LIMA1: variants seen among roughly 807,000 people sequenced by gnomAD.
The protein encoded by LIMA1 is LIM domain and actin binding 1.
Under a neutral mutation model 62.6 loss-of-function variants are expected in LIMA1, and 52 were observed. The ratio of observed to expected loss-of-function variants is 0.83; its 90% CI spans 0.67 to 1.05. The LOEUF (loss-of-function observed/expected upper bound fraction) is 1.05, where lower values mean the gene tolerates loss of function less well. Ranked by LOEUF, LIMA1 falls within the 50% of genes least tolerant of loss-of-function variation. LIMA1 has a pLI of 0.00. For synonymous variants in LIMA1, 302 were observed against 317.8 expected (o/e 0.95, Z 0.53); for missense variants, 780 against 902.2 (o/e 0.86, Z 1.74).
chr12:50,204,582 C>T lies in LIMA1; in HGVS notation c.834G>A (p.Val278=). 6 of 1,614,136 alleles carry T rather than the reference C, an allele frequency of 3.7e-6. No individual in the cohort carries two copies. The highest frequency in any genetic ancestry group is 5.1e-6 in the Non-Finnish European group (6 of 1,180,024). ...AGTTGGTTGAGCTGCTTTGTTTGGACACAGCTGCCTGGTACTTGGCCATTC... is the reference window on the plus strand; with the variant it reads ...AGTTGGTTGAGCTGCTTTGTTTGGATACAGCTGCCTGGTACTTGGCCATTC... ...KDRMAKYQAA[V]SKQSSSTNYT... is the part of the protein sequence containing the mutation. Residue 278 remains valine (V), a synonymous_variant, in exon 6 of 11, where the codon GTG becomes GTA. Transcript: ENST00000341247.
At chr12:50,187,767 C>T (rs1232636614) in intron 9 of LIMA1, 7 of 152,170 alleles carry the variant, frequency 4.6e-5, no homozygotes, top group African/African-American at 1.7e-4. Flanking sequence ...CATTCATCAG[C>T]AAAACGCTGT....
rs563124904 is a variant in LIMA1, at chr12:50,238,327, C to T, written c.120-6617G>A. Among the ~76,000 whole-genome samples the T allele has an allele frequency of 4.6e-5, 7 of 151,924 alleles. No individual in the cohort carries two copies. In the East Asian group the frequency reaches 7.7e-4, roughly 17 times the overall value. On this transcript the variant is annotated intron_variant, in intron 2 of 10. Coordinates refer to ENST00000341247, the MANE Select transcript of LIMA1 (RefSeq NM_016357.5). Reference sequence around the variant, plus strand: ...TTCAAGACCAGCCTGGCCAACATGACGAAACCTTGTCTCTACTAAAAATAC... The same window carrying T: ...TTCAAGACCAGCCTGGCCAACATGATGAAACCTTGTCTCTACTAAAAATAC...
chr12:50,239,788 G>A (rs1941746566), intron 2 of LIMA1, among the ~76,000 whole-genome samples: 1 of 152,060 alleles, frequency 6.6e-6, no homozygotes, highest in Non-Finnish European at 1.5e-5. Flanking sequence ...TTGAGCCCGG[G>A]AGTTTGAGAA....
chr12:50,225,950 A>G (rs915665881), intron 3 of LIMA1, among the ~76,000 whole-genome samples: 115 of 152,306 alleles, frequency 7.6e-4, no homozygotes, highest in Non-Finnish European at 2.8e-4. Context: ...TTTAGATTAC[A>G]ATTTATATCT....
At position 50,190,436 on chromosome 12, in the gene LIMA1, C is replaced by T. The variant is rs189619307; in HGVS notation, c.1140+2016G>A. Among the ~76,000 whole-genome samples, 5 of 148,500 alleles carry T rather than the reference C, an allele frequency of 3.4e-5. No homozygotes were observed. The East Asian group carries it at 1.0e-3, about 30-fold the overall frequency. On this transcript the variant is annotated intron_variant, in intron 9 of 10. Coordinates refer to ENST00000341247, the MANE Select transcript of LIMA1 (RefSeq NM_016357.5). ...AGGCTGGAGTGCAATGGCATAATCT[C>T]GGTTCACCACAACCTCTGCCTCCCA...
chr12:50,205,471 T>C (rs1941134152), intron 5 of LIMA1, among the ~76,000 whole-genome samples: 1 of 152,160 alleles, frequency 6.6e-6, no homozygotes, highest in Non-Finnish European at 1.5e-5. Context: ...GATGTTTTCC[T>C]GTTTTTACTA....
chr12:50,282,095 T>C (rs1350141595), intron 1 of LIMA1, among the ~76,000 whole-genome samples: 1 of 152,070 alleles, frequency 6.6e-6, no homozygotes, highest in African/African-American at 2.4e-5. Flanking sequence ...AGAAAACATA[T>C]ATGAACACAC....
At chr12:50,280,762 C>T (rs901823914) in intron 1 of LIMA1, among the ~76,000 whole-genome samples, 2 of 152,146 alleles carry the variant, frequency 1.3e-5, no homozygotes, top group Non-Finnish European at 1.5e-5. Flanking sequence ...ACTCCATAAT[C>T]ATTAAGTAGA....
At chr12:50,260,914 G>A (rs1421757831) in intron 1 of LIMA1, among the ~76,000 whole-genome samples, 1 of 68,406 alleles carries the variant, frequency 1.5e-5, no homozygotes. Context: ...TCTTGGGCAA[G>A]TTTAATAACT....
chr12:50,186,720 T>C (rs547179091), intron 9 of LIMA1: 1 of 152,352 alleles, frequency 6.6e-6, no homozygotes, highest in East Asian at 1.9e-4. Flanking sequence ...CTCCTAGACA[T>C]CACTTCTGTT....
intron 7 of LIMA1, among the ~76,000 whole-genome samples, chr12:50,198,465 G>A (rs1940976601): frequency 1.3e-5 from 2 of 152,150 alleles, no homozygotes; most frequent in Non-Finnish European, 2.9e-5. Context: ...GAGGCAGGAA[G>A]ATCACTTGAG....
chr12:50,272,592 CA>C (rs1004308971), intron 1 of LIMA1, among the ~76,000 whole-genome samples: 499 of 95,388 alleles, frequency 5.2e-3, no homozygotes, highest in African/African-American at 0.012. Context: ...AACTCCGTCT[CA>C]AAAAAAAAAA....
intron 2 of LIMA1, among the ~76,000 whole-genome samples, chr12:50,243,280 AAAC>A (rs1041439510): frequency 3.4e-4 from 52 of 152,346 alleles, no homozygotes; most frequent in African/African-American, 1.2e-3. Context: ...AGCTTCCTCC[AAAC>A]AACAATTTCA....
At chr12:50,237,914 A>T (rs1291250568) in intron 2 of LIMA1, among the ~76,000 whole-genome samples, 1 of 152,256 alleles carries the variant, frequency 6.6e-6, no homozygotes, top group Non-Finnish European at 1.5e-5. Context: ...TTGGACTACC[A>T]TATACAAAAA....
At chr12:50,213,927 T>C (rs1158210878) in intron 4 of LIMA1, among the ~76,000 whole-genome samples, 1 of 152,102 alleles carries the variant, frequency 6.6e-6, no homozygotes, top group Non-Finnish European at 1.5e-5. Context: ...GAGTGGTCTC[T>C]AGCTGGCACA....
At chr12:50,260,147 CTTTTTTTT>C (rs869151267) in intron 1 of LIMA1, among the ~76,000 whole-genome samples, 4 of 135,292 alleles carry the variant, frequency 3.0e-5, no homozygotes, top group African/African-American at 1.1e-4. Flanking sequence ...CCTAGAGTTT[CTTTTTTTT>C]TTTTTTTTTT....
chr12:50,177,263 A>C lies in LIMA1; in HGVS notation c.2081T>G (p.Leu694Arg). 1.2e-6 allele frequency: 2 copies of C among 1,614,084 alleles called. No homozygotes were observed. The highest frequency in any genetic ancestry group is 1.7e-6 in the Non-Finnish European group (2 of 1,179,994). Residue 694 changes from leucine to arginine, a missense_variant, in exon 11 of 11, where the codon CTC becomes CGC. Transcript: ENST00000341247. ...ADSDEDDNSF[L>R]KQQSPQEPKS... is the part of the protein sequence containing the mutation. ...GGGTTCTTGTGGAGATTGTTGTTTGAGGAAGCTGTTATCATCTTCATCGGA... is the reference window on the plus strand; with the variant it reads ...GGGTTCTTGTGGAGATTGTTGTTTGCGGAAGCTGTTATCATCTTCATCGGA...
intron 2 of LIMA1, 27 bp downstream of exon 2, chr12:50,248,606 T>C: frequency 7.3e-7 from 1 of 1,378,256 alleles, no homozygotes; most frequent in Non-Finnish European, 1.0e-6. Context: ...AGACAGATGG[T>C]CCTTTTGGAC....
At chr12:50,220,115 C>T (rs1410622791) in intron 4 of LIMA1, among the ~76,000 whole-genome samples, 1 of 151,956 alleles carries the variant, frequency 6.6e-6, no homozygotes, top group Non-Finnish European at 1.5e-5. Context: ...GGCTGGAGTG[C>T]AGTGGCATGA....
Sources: allele counts gnomAD v4.1 joint callset (sites outside exome capture counted in the v4.1 genomes callset), GRCh38; gene constraint gnomAD v4.1.1; transcripts MANE v1.5; gene names NCBI Gene and HGNC (gene_info 2026-07-23, HGNC 2026-07-21).